The following SLC24A3 variants were observed in gnomAD, a reference collection of about 807,000 sequenced individuals.
SLC24A3 encodes solute carrier family 24 member 3.
Under a neutral mutation model 75.8 loss-of-function variants are expected in SLC24A3, and 28 were observed. The ratio of observed to expected loss-of-function variants is 0.37; its 90% CI spans 0.27 to 0.51. The LOEUF (loss-of-function observed/expected upper bound fraction) is 0.51, where lower values mean the gene tolerates loss of function less well. Among genes scored for constraint, SLC24A3 ranks in the 20% least tolerant of loss-of-function variants. The pLI is 0.94. For missense variants in SLC24A3, 663 were observed against 847.8 expected (o/e 0.78, Z 2.71); for synonymous variants, 372 against 334.1 (o/e 1.11, Z -1.24).
intron 3 of SLC24A3, among the ~76,000 whole-genome samples, chr20:19,578,428 C>G (rs2031172341): frequency 6.6e-6 from 1 of 152,010 alleles, no homozygotes; most frequent in South Asian, 2.1e-4. Flanking sequence ...CAAGTTTTCT[C>G]TATATGACAG....
chr20:19,368,146 T>A (rs1349150992), intron 2 of SLC24A3, among the ~76,000 whole-genome samples: 1 of 151,490 alleles, frequency 6.6e-6, no homozygotes, highest in Non-Finnish European at 1.5e-5. Flanking sequence ...TTAGTTAACA[T>A]GTTGGGGGCA....
chr20:19,623,304 TG>T (rs1555803317), intron 6 of SLC24A3, among the ~76,000 whole-genome samples: 3 of 152,198 alleles, frequency 2.0e-5, no homozygotes, highest in East Asian at 1.9e-4. Context: ...ATGCCATAAA[TG>T]CTTTCTCAAA....
At chr20:19,304,610 T>A (rs1984276300) in intron 2 of SLC24A3, among the ~76,000 whole-genome samples, 1 of 152,214 alleles carries the variant, frequency 6.6e-6, no homozygotes, top group Non-Finnish European at 1.5e-5. Context: ...GCCTGTGGCG[T>A]CATTCATGCC....
intron 2 of SLC24A3, among the ~76,000 whole-genome samples, chr20:19,343,399 G>T (rs145819538): frequency 6.6e-6 from 1 of 152,300 alleles, no homozygotes; most frequent in Non-Finnish European, 1.5e-5. Flanking sequence ...AAGGACCAAG[G>T]TATGGGGGAA....
chr20:19,631,712 T>C (rs1315398410), intron 6 of SLC24A3, among the ~76,000 whole-genome samples: 1 of 152,128 alleles, frequency 6.6e-6, no homozygotes, highest in Non-Finnish European at 1.5e-5. Flanking sequence ...TGCTTATCAC[T>C]TTCTCTCCCT....
chr20:19,238,158 A>G (rs1482509983), intron 1 of SLC24A3, among the ~76,000 whole-genome samples: 1 of 152,098 alleles, frequency 6.6e-6, no homozygotes, highest in Non-Finnish European at 1.5e-5. Context: ...AAACCTGCAC[A>G]TGGTCCTTCC....
chr20:19,258,800 G>C (rs1482843127), intron 1 of SLC24A3, among the ~76,000 whole-genome samples: 1 of 152,128 alleles, frequency 6.6e-6, no homozygotes, highest in East Asian at 1.9e-4. Flanking sequence ...GAACTCCAGA[G>C]AACAAGCAGC....
intron 2 of SLC24A3, among the ~76,000 whole-genome samples, chr20:19,332,434 T>A (rs1345373757): frequency 1.3e-5 from 2 of 152,184 alleles, no homozygotes; most frequent in African/African-American, 4.8e-5. Flanking sequence ...CACACCATCT[T>A]TTTTTATTTC....
At chr20:19,582,870 G>A (rs979446020) in intron 4 of SLC24A3, among the ~76,000 whole-genome samples, 2 of 152,226 alleles carry the variant, frequency 1.3e-5, no homozygotes, top group African/African-American at 4.8e-5. Flanking sequence ...AGGCCTGGCC[G>A]AGCAGAGGCT....
intron 2 of SLC24A3, among the ~76,000 whole-genome samples, chr20:19,355,450 T>G (rs1369302288): frequency 6.6e-6 from 1 of 152,180 alleles, no homozygotes; most frequent in African/African-American, 2.4e-5. Context: ...GATAAACAAG[T>G]GCAACTTCCT....
chr20:19,484,283 G>A (rs756141298), intron 2 of SLC24A3, among the ~76,000 whole-genome samples: 19 of 152,142 alleles, frequency 1.2e-4, no homozygotes, highest in Non-Finnish European at 2.5e-4. Context: ...CCTTATACAC[G>A]TAGCCTAAAG....
intron 2 of SLC24A3, among the ~76,000 whole-genome samples, chr20:19,316,364 A>G (rs1346262395): frequency 3.3e-5 from 5 of 152,184 alleles, no homozygotes; most frequent in Non-Finnish European, 5.9e-5. Context: ...GGGTTTACAT[A>G]AAAGGCCAAG....
intron 2 of SLC24A3, among the ~76,000 whole-genome samples, chr20:19,298,061 C>T (rs1475405730): frequency 6.6e-6 from 1 of 152,178 alleles, no homozygotes; most frequent in South Asian, 2.1e-4. Context: ...TCTGATTTGC[C>T]GAGTAAACAG....
At chr20:19,666,012 A>G (rs1226755557) in intron 8 of SLC24A3, 123 bp downstream of exon 8, 1 of 1,087,136 alleles carries the variant, frequency 9.2e-7, no homozygotes, top group Non-Finnish European at 1.3e-6. Flanking sequence ...AATGAGGAGA[A>G]TTTCCTAGGA....
chr20:19,515,646 A>G (rs2029972836), intron 3 of SLC24A3, 82 bp downstream of exon 3: 3 of 1,384,914 alleles, frequency 2.2e-6, no homozygotes, highest in Admixed American at 1.8e-5. Context: ...AGGTGCCCCC[A>G]GTAGATTCTC....
chr20:19,570,490 C>T (rs2031034943), intron 3 of SLC24A3, among the ~76,000 whole-genome samples: 1 of 152,164 alleles, frequency 6.6e-6, no homozygotes, highest in Non-Finnish European at 1.5e-5. Flanking sequence ...ATGGAGATCC[C>T]TGGGCCCCAA....
chr20:19,416,037 A>G (rs1191167624), intron 2 of SLC24A3, among the ~76,000 whole-genome samples: 2 of 152,162 alleles, frequency 1.3e-5, no homozygotes, highest in Non-Finnish European at 2.9e-5. Context: ...AGTGATATTT[A>G]ACTCCACTGA....
intron 2 of SLC24A3, among the ~76,000 whole-genome samples, chr20:19,433,710 T>C (rs1987145338): frequency 6.6e-6 from 1 of 152,094 alleles, no homozygotes; most frequent in Admixed American, 6.5e-5. Flanking sequence ...ACTGAAAAAA[T>C]AGTGCGTAGC....
chr20:19,212,872 G>GCGT lies in SLC24A3; in HGVS notation c.33_35dup (p.Arg20dup), dbSNP rs1981442698. The stretch of plus-strand genomic sequence containing the variant: ...GGCCGTCCGGCGACGAGGACCGCGC[G>GCGT]CGTCGCCGCCGCCGCCGCCGCCGCC... On this transcript the variant is annotated inframe_insertion, in exon 1 of 17. Transcript: ENST00000328041. 1.6e-6 allele frequency: 2 copies of GCGT among 1,249,578 alleles called. No homozygotes were observed. Among genetic ancestry groups the GCGT allele is most frequent in the Non-Finnish European group, 2.0e-6 (2 of 991,852 alleles). The allele number at this position is 1,249,578 out of a possible 1,614,324, so 77.4% of individuals were successfully genotyped here.
Sources: gnomAD v4.1 joint callset for allele counts (sites outside exome capture counted in the v4.1 genomes callset) on GRCh38, gnomAD v4.1.1 for gene constraint, MANE v1.5 for transcripts, NCBI Gene and HGNC (gene_info 2026-07-23, HGNC 2026-07-21) for gene names.